Variants in RUNDC3B observed in about 807,000 individuals in gnomAD.
RUNDC3B encodes the protein RUN domain-containing protein 3B.
Under a neutral mutation model 58.4 loss-of-function variants are expected in RUNDC3B, and 33 were observed. That is an observed-to-expected ratio of 0.56 (90% CI 0.43 to 0.75). The LOEUF (loss-of-function observed/expected upper bound fraction) is 0.75, where lower values mean the gene tolerates loss of function less well. Ranked by LOEUF, RUNDC3B falls within the 30% of genes least tolerant of loss-of-function variation. The pLI is 0.00. For missense variants in RUNDC3B, 501 were observed against 535.7 expected (o/e 0.94, Z 0.64); for synonymous variants, 193 against 195.2 (o/e 0.99, Z 0.10).
chr7:87,682,445 G>T (rs969062070), intron 2 of RUNDC3B, among the ~76,000 whole-genome samples: 1 of 152,160 alleles, frequency 6.6e-6, no homozygotes, highest in African/African-American at 2.4e-5. Flanking sequence ...AGAGCCTTAA[G>T]AAATATACTT....
chr7:87,747,451 C>T (rs527968625), intron 6 of RUNDC3B, among the ~76,000 whole-genome samples: 1 of 152,284 alleles, frequency 6.6e-6, no homozygotes, highest in South Asian at 2.1e-4. Context: ...TATTTTTGTG[C>T]TGATTGGCCT....
intron 2 of RUNDC3B, among the ~76,000 whole-genome samples, chr7:87,659,682 G>C (rs550426358): frequency 2.6e-5 from 4 of 152,148 alleles, no homozygotes; most frequent in Admixed American, 6.6e-5. Context: ...CACACAGTCC[G>C]GGGTATAAGA....
At chr7:87,634,268 A>C (rs550260131) in intron 1 of RUNDC3B, among the ~76,000 whole-genome samples, 1 of 152,038 alleles carries the variant, frequency 6.6e-6, no homozygotes, top group Non-Finnish European at 1.5e-5. Context: ...AAATTTCAAC[A>C]TGTCATTTGA....
At chr7:87,828,179 A>T (rs918107661) in intron 10 of RUNDC3B, among the ~76,000 whole-genome samples, 14 of 152,184 alleles carry the variant, frequency 9.2e-5, no homozygotes, top group African/African-American at 3.4e-4. Flanking sequence ...TTTCTTTTTT[A>T]AAATTATTAT....
intron 6 of RUNDC3B, among the ~76,000 whole-genome samples, chr7:87,762,877 T>A (rs1438336919): frequency 6.7e-6 from 1 of 148,882 alleles, no homozygotes; most frequent in East Asian, 2.0e-4. Flanking sequence ...TTAACTGGAA[T>A]TAAAAAAAAA....
chr7:87,724,943 C>A (rs1831126779), intron 4 of RUNDC3B, among the ~76,000 whole-genome samples: 1 of 151,750 alleles, frequency 6.6e-6, no homozygotes, highest in Non-Finnish European at 1.5e-5. Flanking sequence ...AATAATTATT[C>A]ATTTGAATTA....
chr7:87,672,136 C>T (rs1825881044), intron 2 of RUNDC3B, among the ~76,000 whole-genome samples: 1 of 152,224 alleles, frequency 6.6e-6, no homozygotes, highest in South Asian at 2.1e-4. Context: ...CTGGGAGCAT[C>T]ATCCCAGGGA....
chr7:87,679,477 A>T (rs1460648956), intron 2 of RUNDC3B, among the ~76,000 whole-genome samples: 2 of 149,612 alleles, frequency 1.3e-5, no homozygotes, highest in Admixed American at 6.7e-5. Flanking sequence ...CAGCCTCCAC[A>T]TCCCCAAGCT....
intron 1 of RUNDC3B, among the ~76,000 whole-genome samples, chr7:87,635,519 T>A (rs1408752106): frequency 1.3e-5 from 2 of 152,214 alleles, no homozygotes; most frequent in Admixed American, 6.5e-5. Flanking sequence ...GAAATCTTAG[T>A]GTCAAGTCTG....
At chr7:87,762,686 A>G (rs1461677537) in intron 6 of RUNDC3B, among the ~76,000 whole-genome samples, 1 of 151,466 alleles carries the variant, frequency 6.6e-6, no homozygotes, top group Non-Finnish European at 1.5e-5. Flanking sequence ...ATGCATTTCA[A>G]TTCAGAGACA....
At chr7:87,807,894 A>T (rs1836520033) in intron 9 of RUNDC3B, among the ~76,000 whole-genome samples, 1 of 152,148 alleles carries the variant, frequency 6.6e-6, no homozygotes, top group African/African-American at 2.4e-5. Context: ...GGTTCTGAAG[A>T]ATTCTATTCA....
intron 2 of RUNDC3B, among the ~76,000 whole-genome samples, chr7:87,684,708 A>C (rs1040808467): frequency 1.4e-5 from 2 of 138,090 alleles, no homozygotes; most frequent in Non-Finnish European, 3.1e-5. Flanking sequence ...AGATCGTGCC[A>C]CTGCACTCCA....
intron 4 of RUNDC3B, among the ~76,000 whole-genome samples, chr7:87,728,716 T>C (rs1270957521): frequency 6.6e-6 from 1 of 152,208 alleles, no homozygotes; most frequent in African/African-American, 2.4e-5. Context: ...AAGTCCCTTT[T>C]TCATTTTCAG....
intron 2 of RUNDC3B, among the ~76,000 whole-genome samples, chr7:87,676,269 G>A (rs548107033): frequency 3.3e-5 from 5 of 151,948 alleles, no homozygotes; most frequent in Admixed American, 6.6e-5. Context: ...GCAAAGCAAA[G>A]GAAACAATCC....
intron 2 of RUNDC3B, among the ~76,000 whole-genome samples, chr7:87,683,070 T>C (rs535142769): frequency 6.6e-6 from 1 of 152,328 alleles, no homozygotes; most frequent in South Asian, 2.1e-4. Flanking sequence ...ATTATTTTTT[T>C]ATGTACAGAG....
intron 4 of RUNDC3B, among the ~76,000 whole-genome samples, chr7:87,736,163 G>C (rs1831920367): frequency 3.3e-5 from 5 of 152,038 alleles, no homozygotes. Context: ...CATTAAATTG[G>C]GGGAAGAGAA....
Position 87,784,739 on chromosome 7 carries a change from G to A in RUNDC3B, c.956+6784G>A, listed in dbSNP as rs565108666. On this transcript the variant is annotated intron_variant, in intron 8 of 10. Coordinates refer to ENST00000394654, the MANE Select transcript of RUNDC3B (RefSeq NM_001134405.2). ...TGTGGTGAGGGGAGATGTGGTTGGGGGAGATGTGGTAGGGGGGAGATGTTG... is the reference window on the plus strand; with the variant it reads ...TGTGGTGAGGGGAGATGTGGTTGGGAGAGATGTGGTAGGGGGGAGATGTTG... 2.3e-5 allele frequency among the ~76,000 whole-genome samples: 3 copies of A among 132,890 alleles called. No homozygotes were observed. The East Asian group carries it at 8.2e-4, about 36-fold the overall frequency. The allele number at this position is 132,890 out of a possible 152,430, so 87.2% of individuals were successfully genotyped here.
intron 4 of RUNDC3B, among the ~76,000 whole-genome samples, chr7:87,714,470 GA>G (rs1830364962): frequency 6.6e-6 from 1 of 152,186 alleles, no homozygotes; most frequent in South Asian, 2.1e-4. Flanking sequence ...TTTGTATGGA[GA>G]AGTACAGTAT....
In RUNDC3B at chr7:87,648,195, A is replaced by C. The variant is rs1408109514; in HGVS notation, c.123-2627A>C. 1.1e-4 allele frequency among the ~76,000 whole-genome samples: 17 copies of C among 151,524 alleles called. 1 individual carries two copies. The highest frequency in any genetic ancestry group is 1.1e-3 in the Admixed American group (16 of 15,236). ...GCGAGACTCTGTCTCAAAAAAAAAA[A>C]AAAAAAGAAAGAAAGAAATGGAAAA... On this transcript the variant is annotated intron_variant, in intron 1 of 10. Coordinates refer to ENST00000394654, the MANE Select transcript of RUNDC3B (RefSeq NM_001134405.2).
Sources: gnomAD v4.1 joint callset for allele counts (sites outside exome capture counted in the v4.1 genomes callset) on GRCh38, gnomAD v4.1.1 for gene constraint, MANE v1.5 for transcripts, NCBI Gene and HGNC (gene_info 2026-07-23, HGNC 2026-07-21) for gene names.